Variants in CTIF observed in about 807,000 individuals in gnomAD.
CTIF encodes the protein CBP80/20-dependent translation initiation factor.
CTIF carries 21 observed loss-of-function variants against 66.0 expected under a neutral mutation model. That is an observed-to-expected ratio of 0.32 (90% CI 0.23 to 0.46). The LOEUF (loss-of-function observed/expected upper bound fraction) is 0.46. Ranked by LOEUF, CTIF falls within the 20% of genes least tolerant of loss-of-function variation. The pLI is 1.00. For missense variants in CTIF, 739 were observed against 812.7 expected, an observed-to-expected ratio of 0.91 and a Z score of 1.10; for synonymous variants, 345 against 326.4, an observed-to-expected ratio of 1.06 and a Z score of -0.62.
At chr18:48,730,428 C>T (rs28589287) in intron 7 of CTIF, among the ~76,000 whole-genome samples, 2 of 25,212 alleles carry the variant, frequency 7.9e-5, no homozygotes, top group Non-Finnish European at 1.7e-4. Flanking sequence ...GGCCCCTGCG[C>T]TGTGAGGGGC....
chr18:48,844,246 T>C (rs2069017394), intron 10 of CTIF, among the ~76,000 whole-genome samples: 1 of 152,072 alleles, frequency 6.6e-6, no homozygotes, highest in Admixed American at 6.5e-5. Context: ...CACAGCTGCT[T>C]CCCTGGAGTC....
chr18:48,804,063 G>A (rs1465278072), intron 9 of CTIF, among the ~76,000 whole-genome samples: 2 of 152,178 alleles, frequency 1.3e-5, no homozygotes, highest in East Asian at 1.9e-4. Context: ...TCTGTCACTG[G>A]CATCCAAGAA....
intron 9 of CTIF, among the ~76,000 whole-genome samples, chr18:48,790,965 A>G (rs1450928083): frequency 6.6e-6 from 1 of 152,134 alleles, no homozygotes; most frequent in Non-Finnish European, 1.5e-5. Context: ...CTCAGCCCCC[A>G]AACCTGTCCA....
chr18:48,579,812 A>G (rs2089614130), intron 1 of CTIF, among the ~76,000 whole-genome samples: 1 of 152,248 alleles, frequency 6.6e-6, no homozygotes, highest in Non-Finnish European at 1.5e-5. Context: ...GCATGGGATC[A>G]AAAAACCCCA....
At chr18:48,831,629 C>T (rs781398291) in intron 10 of CTIF, among the ~76,000 whole-genome samples, 4 of 152,208 alleles carry the variant, frequency 2.6e-5, no homozygotes, top group South Asian at 4.1e-4. Flanking sequence ...CAGCAGAATT[C>T]ACCTATGGAG....
rs187340224 is a variant in CTIF at position 48,775,912 on chromosome 18, T to C, written c.1371+14223T>C. 1.2e-4 allele frequency among the ~76,000 whole-genome samples: 19 copies of C among 152,344 alleles called. 1 individual carries two copies. The East Asian group carries it at 3.3e-3, about 26-fold the overall frequency. ...GGGCTGAGGCTGCCCAGCCGGGCCGTGACCCCAGGTCACTGTAACCACACT... is the reference window on the plus strand; with the variant it reads ...GGGCTGAGGCTGCCCAGCCGGGCCGCGACCCCAGGTCACTGTAACCACACT... On this transcript the variant is annotated intron_variant, in intron 9 of 11. Transcript: ENST00000256413.
At chr18:48,809,037 A>C (rs2068209571) in intron 9 of CTIF, among the ~76,000 whole-genome samples, 1 of 152,228 alleles carries the variant, frequency 6.6e-6, no homozygotes, top group Admixed American at 6.5e-5. Flanking sequence ...TTTCTTCGCT[A>C]GTTGAAGACG....
intron 10 of CTIF, 23 bp from the exon 11 acceptor site, chr18:48,857,565 C>A: frequency 6.2e-7 from 1 of 1,601,492 alleles, no homozygotes; most frequent in Non-Finnish European, 8.5e-7. Flanking sequence ...TTCAGTGGTG[C>A]TCTCTGCCCC....
intron 6 of CTIF, among the ~76,000 whole-genome samples, chr18:48,674,908 G>A (rs1240494821): frequency 6.6e-6 from 1 of 152,224 alleles, no homozygotes; most frequent in Non-Finnish European, 1.5e-5. Flanking sequence ...AGGGAAAGGA[G>A]CAGGTACGCT....
chr18:48,633,819 T>C (rs1251942392), intron 2 of CTIF, among the ~76,000 whole-genome samples: 2 of 152,178 alleles, frequency 1.3e-5, no homozygotes, highest in African/African-American at 4.8e-5. Context: ...TGTTTTGGAA[T>C]TATTTTAGAC....
chr18:48,748,709 A>G (rs1907498067), intron 7 of CTIF, among the ~76,000 whole-genome samples: 2 of 152,202 alleles, frequency 1.3e-5, no homozygotes, highest in Non-Finnish European at 2.9e-5. Context: ...TTACCACATC[A>G]GGCTTTCTCT....
intron 6 of CTIF, 49 bp downstream of exon 6, chr18:48,670,793 C>T: frequency 6.6e-7 from 1 of 1,504,272 alleles, no homozygotes; most frequent in South Asian, 1.1e-5. Context: ...CCCCTGGAGT[C>T]CTGATCCTCT....
rs111411863 is a variant in CTIF at position 48,621,431 on chromosome 18, C to T, written c.180+1686C>T. On this transcript the variant is annotated intron_variant, in intron 2 of 11. Transcript: ENST00000256413. Reference sequence around the variant, plus strand: ...GCAGAGGATGAGGGAGGGAGAGCTGCGGAGATGAGTCAGAGGGATGATGAG... The same window carrying T: ...GCAGAGGATGAGGGAGGGAGAGCTGTGGAGATGAGTCAGAGGGATGATGAG... 6.2e-3 allele frequency: 1,552 copies of T among 249,718 alleles called. 15 individuals carry two copies. The highest frequency in any genetic ancestry group is 0.028 in the African/African-American group (1,161 of 42,044). The allele number at this position is 249,718 out of a possible 1,614,324, so 15.5% of individuals were successfully genotyped here.
chr18:48,595,413 A>G (rs1412377806), intron 1 of CTIF, among the ~76,000 whole-genome samples: 1 of 152,054 alleles, frequency 6.6e-6, no homozygotes, highest in African/African-American at 2.4e-5. Flanking sequence ...AACTACGTAC[A>G]TTTATTTTTT....
At chr18:48,818,112 G>A (rs1396532152) in intron 10 of CTIF, among the ~76,000 whole-genome samples, 2 of 152,234 alleles carry the variant, frequency 1.3e-5, no homozygotes, top group Non-Finnish European at 2.9e-5. Context: ...TTGAGAAGCA[G>A]GAATTTAGCA....
At chr18:48,625,912 C>T (rs542078673) in intron 2 of CTIF, among the ~76,000 whole-genome samples, 1 of 151,894 alleles carries the variant, frequency 6.6e-6, no homozygotes, top group African/African-American at 2.4e-5. Flanking sequence ...TTAAAGTGCT[C>T]TCCAAAGATC....
intron 9 of CTIF, among the ~76,000 whole-genome samples, chr18:48,792,369 C>T (rs917845859): frequency 1.3e-5 from 2 of 152,134 alleles, no homozygotes; most frequent in South Asian, 2.1e-4. Context: ...CTCACAAGGA[C>T]GAGATTAGCT....
In CTIF at chr18:48,758,313, G is replaced by A; in HGVS notation, c.979G>A (p.Asp327Asn). 1 of 1,613,300 alleles carries A rather than the reference G, an allele frequency of 6.2e-7. No homozygotes were observed. Among genetic ancestry groups the A allele is most frequent in the African/African-American group, 1.3e-5 (1 of 75,070 alleles). The change falls in exon 8 of 12, where the codon GAC becomes AAC. Residue 327 changes from aspartate to asparagine, a missense_variant. Coordinates refer to ENST00000256413, the MANE Select transcript of CTIF (RefSeq NM_014772.3). ...GGPEVETKRK[D>N]SILPERIGER... The stretch of plus-strand genomic sequence containing the variant: ...GCCAGAGGTTGAGACAAAACGTAAA[G>A]ACAGTATTCTTCCCGAGCGCATCGG...
chr18:48,705,326 C>T (rs2092137846), intron 6 of CTIF, among the ~76,000 whole-genome samples: 1 of 152,220 alleles, frequency 6.6e-6, no homozygotes, highest in African/African-American at 2.4e-5. Context: ...TCACTCCAAA[C>T]ACTGCCTCCG....
Sources: gnomAD v4.1 joint callset for allele counts (sites outside exome capture counted in the v4.1 genomes callset) on GRCh38, gnomAD v4.1.1 for gene constraint, MANE v1.5 for transcripts, NCBI Gene and HGNC (gene_info 2026-07-23, HGNC 2026-07-21) for gene names.